Variants in PIEZO2 observed in about 807,000 individuals in gnomAD.
PIEZO2 encodes the protein piezo type mechanosensitive ion channel component 2.
Under a neutral mutation model 337.3 loss-of-function variants are expected in PIEZO2, and 172 were observed. The ratio of observed to expected loss-of-function variants is 0.51; its 90% CI spans 0.45 to 0.58. The LOEUF is 0.58. Ranked by LOEUF, PIEZO2 falls within the 20% of genes least tolerant of loss-of-function variation. PIEZO2 has a pLI of 0.00. For synonymous variants in PIEZO2, 1,251 were observed against 1,228.5 expected, an observed-to-expected ratio of 1.02 and a Z score of -0.38; for missense variants, 3,028 against 3,391.3, an observed-to-expected ratio of 0.89 and a Z score of 2.66.
Position 10,979,621 on chromosome 18 carries a change from C to T in PIEZO2, c.200G>A (p.Ser67Asn), listed in dbSNP as rs1014032818. Residue 67 changes from serine (S) to asparagine (N), a missense_variant, in exon 3 of 56, where the codon AGT becomes AAT. This residue lies in a region of PIEZO2 where 542 missense variants were observed against 605.6 expected (regional missense o/e 0.89). Transcript: ENST00000674853. This position sits in a 1 kb window ranked among gnomAD's most constrained non-coding sequence, Gnocchi z 4.0. ...GATGTGCAGCAACAGGAAGGAAAGA[C>T]TGATGAAGCACAGAGACTTTAATAA... ...GRLLKSLCFI[S>N]LSFLLLHIIF... is the part of the protein sequence containing the mutation. 2 of 1,535,844 alleles carry T rather than the reference C, an allele frequency of 1.3e-6. No homozygotes were observed. The highest frequency in any genetic ancestry group is 1.4e-5 in the African/African-American group (1 of 73,024).
In PIEZO2 at chr18:11,131,283, T is replaced by C. The variant is rs2040333346; in HGVS notation, c.64+17242A>G. Among the ~76,000 whole-genome samples, 2 of 152,122 alleles carry C rather than the reference T, an allele frequency of 1.3e-5. No homozygotes were observed. Among genetic ancestry groups the C allele is most frequent in the African/African-American group, 4.8e-5 (2 of 41,432 alleles). On this transcript the variant is annotated intron_variant, in intron 1 of 55. Transcript: ENST00000674853. The surrounding 1 kb of genome is among the most constrained non-coding windows in gnomAD (Gnocchi z 5.3). ...TCAAATGGAAGTGATATATACATGA[T>C]CGGGCTCGAGCAGGTCCTGAGGGCA...
intron 2 of PIEZO2, among the ~76,000 whole-genome samples, chr18:10,995,489 C>T (rs2035288318): frequency 6.6e-6 from 1 of 152,128 alleles, no homozygotes; most frequent in Non-Finnish European, 1.5e-5. Context: ...TAAAACTCTA[C>T]TTTGGTGGTA....
chr18:10,968,854 T>C (rs547820098), intron 3 of PIEZO2, among the ~76,000 whole-genome samples: 2 of 152,348 alleles, frequency 1.3e-5, no homozygotes, highest in East Asian at 3.9e-4. Flanking sequence ...CAAGTAAATG[T>C]AAGGCATAAA....
Position 10,713,806 on chromosome 18 carries a change from G to A in PIEZO2, c.5423+958C>T, listed in dbSNP as rs1159472201. On this transcript the variant is annotated intron_variant, in intron 39 of 55. Coordinates refer to ENST00000674853, the MANE Select transcript of PIEZO2 (RefSeq NM_001378183.1). The surrounding 1 kb of genome is among the most constrained non-coding windows in gnomAD (Gnocchi z 4.5). ...TTACCCATGAAGGTGGCTATAAGGT[G>A]TAATTCATTTGGTCTAGCGCTTCAC... is the stretch of plus-strand genomic sequence containing the variant. Among the ~76,000 whole-genome samples the A allele has an allele frequency of 2.0e-5, 3 of 152,206 alleles. No homozygotes were observed. The highest frequency in any genetic ancestry group is 4.4e-5 in the Non-Finnish European group (3 of 68,048).
chr18:10,950,328 G>A (rs2033236692), intron 3 of PIEZO2, among the ~76,000 whole-genome samples: 1 of 152,156 alleles, frequency 6.6e-6, no homozygotes, highest in Admixed American at 6.6e-5. Flanking sequence ...GCTTAAAGCT[G>A]AAGGTAAGAA....
At chr18:10,731,856 T>C (rs1181049291) in intron 35 of PIEZO2, among the ~76,000 whole-genome samples, 1 of 152,184 alleles carries the variant, frequency 6.6e-6, no homozygotes, top group African/African-American at 2.4e-5. Flanking sequence ...AAGCTGGAAG[T>C]CTCATTCAGT....
At chr18:11,006,888 T>A (rs2035745197) in intron 2 of PIEZO2, among the ~76,000 whole-genome samples, 1 of 152,178 alleles carries the variant, frequency 6.6e-6, no homozygotes, top group African/African-American at 2.4e-5. Flanking sequence ...TTTTTATTTT[T>A]AATTATCATG....
At chr18:10,937,909 T>C (rs760180912) in intron 3 of PIEZO2, among the ~76,000 whole-genome samples, 11 of 152,224 alleles carry the variant, frequency 7.2e-5, no homozygotes, top group Non-Finnish European at 1.0e-4. Flanking sequence ...AAAACTGCTA[T>C]AATTCAACCA....
chr18:10,944,517 G>GATAT (rs368272727), intron 3 of PIEZO2, among the ~76,000 whole-genome samples: 2,251 of 49,736 alleles, frequency 0.045, 40 homozygotes, highest in East Asian at 0.084. Flanking sequence ...CTTAGTAACA[G>GATAT]ATATATATAT....
rs141067046 is a variant in PIEZO2, at chr18:10,750,057, C to T, written c.4264+34G>A. 154 of 1,440,022 alleles carry T rather than the reference C, an allele frequency of 1.1e-4. No homozygotes were observed. In the Admixed American group the frequency reaches 1.8e-3, roughly 17 times the overall value. 89.2% of individuals were successfully genotyped at this position (1,440,022 alleles called of 1,614,324 possible). ...CAATACAACTATCCTCCCTCTTCTG[C>T]CTTTCTGCCTTCACACTTGCTTTTC... On this transcript the variant is annotated intron_variant, in intron 29 of 55. Transcript: ENST00000674853. The surrounding 1 kb of genome is among the most constrained non-coding windows in gnomAD (Gnocchi z 4.1).
Position 10,770,208 on chromosome 18 carries a change from AATCCACCAC to A in PIEZO2, c.2877_2885del (p.Met959_Trp961del). On this transcript the variant is annotated inframe_deletion, in exon 21 of 56. Transcript: ENST00000674853. ...CGATTTTGATGATGTGCAACTCCAAAATCCACCACATGAACACCTGCAGCTTGTGAAAAT... is the reference window on the plus strand; with the variant it reads ...CGATTTTGATGATGTGCAACTCCAAAATGAACACCTGCAGCTTGTGAAAAT... The A allele has an allele frequency of 6.5e-7, 1 of 1,537,428 alleles. No individual in the cohort carries two copies. Among genetic ancestry groups the A allele is most frequent in the Non-Finnish European group, 8.7e-7 (1 of 1,146,946 alleles).
rs1176533520 is a variant in PIEZO2 at position 10,856,710 on chromosome 18, G to A, written c.703+291C>T. 1.3e-5 allele frequency among the ~76,000 whole-genome samples: 2 copies of A among 152,172 alleles called. No homozygotes were observed. The highest frequency in any genetic ancestry group is 1.3e-4 in the Admixed American group (2 of 15,270). On this transcript the variant is annotated intron_variant, in intron 6 of 55. Transcript: ENST00000674853. The surrounding 1 kb of genome is among the most constrained non-coding windows in gnomAD (Gnocchi z 4.7). ...ACCATTCCAAAGCTCTAAGGAAGAG[G>A]ATTGTTGTTATTCTAATCTAAACCT...
At chr18:10,956,654 A>C (rs2033536467) in intron 3 of PIEZO2, among the ~76,000 whole-genome samples, 1 of 152,240 alleles carries the variant, frequency 6.6e-6, no homozygotes, top group Admixed American at 6.5e-5. Flanking sequence ...GATTGTAATC[A>C]AAACAGTATC....
At chr18:10,712,638 C>G (rs1394194822) in intron 39 of PIEZO2, among the ~76,000 whole-genome samples, 1 of 152,212 alleles carries the variant, frequency 6.6e-6, no homozygotes. Flanking sequence ...CACAGTGACG[C>G]TCTGGTAACA....
chr18:10,959,084 T>C (rs2033660585), intron 3 of PIEZO2, among the ~76,000 whole-genome samples: 1 of 152,172 alleles, frequency 6.6e-6, no homozygotes, highest in Non-Finnish European at 1.5e-5. Context: ...AGCAAAAATA[T>C]GTATTAATGA....
chr18:10,787,734 C>T (rs1265138182), intron 15 of PIEZO2, among the ~76,000 whole-genome samples: 1 of 152,098 alleles, frequency 6.6e-6, no homozygotes, highest in African/African-American at 2.4e-5. Flanking sequence ...ATTTTTTTAT[C>T]TTAACATATT....
Position 10,742,633 on chromosome 18 carries a change from A to G in PIEZO2, c.4515-18T>C, listed in dbSNP as rs1454433691. On this transcript the variant is annotated intron_variant, in intron 31 of 55. Coordinates refer to ENST00000674853, the MANE Select transcript of PIEZO2 (RefSeq NM_001378183.1). The stretch of plus-strand genomic sequence containing the variant: ...GATCCATCCTATAAAGTAAAATAAC[A>G]TTAGTAATGCCAAGAACATATTCAT... The G allele has an allele frequency of 1.3e-6, 2 of 1,536,570 alleles. No individual in the cohort carries two copies. Among genetic ancestry groups the G allele is most frequent in the African/African-American group, 1.4e-5 (1 of 73,156 alleles).
rs557232286 is a variant in PIEZO2, at chr18:11,003,766, C to G, written c.161-24106G>C. 5.4e-4 allele frequency among the ~76,000 whole-genome samples: 82 copies of G among 152,308 alleles called. No homozygotes were observed. The highest frequency in any genetic ancestry group is 1.9e-3 in the African/African-American group (77 of 41,570). Reference sequence around the variant, plus strand: ...GGGACGTGGGAGGAAACCAGAGTACCTAGAAAAATCCCACACAGACCTGGG... The same window carrying G: ...GGGACGTGGGAGGAAACCAGAGTACGTAGAAAAATCCCACACAGACCTGGG... On this transcript the variant is annotated intron_variant, in intron 2 of 55. Coordinates refer to ENST00000674853, the MANE Select transcript of PIEZO2 (RefSeq NM_001378183.1). This position sits in a 1 kb window ranked among gnomAD's most constrained non-coding sequence, Gnocchi z 4.6.
intron 1 of PIEZO2, among the ~76,000 whole-genome samples, chr18:11,108,613 CAAAAAAAAAAAAAA>C (rs532226919): frequency 3.5e-5 from 2 of 56,858 alleles, no homozygotes; most frequent in Non-Finnish European, 6.4e-5. Flanking sequence ...GACTCCCTCT[CAAAAAAAAAAAAAA>C]AAAAAAAAAA....
Sources: gnomAD v4.1 joint callset for allele counts (sites outside exome capture counted in the v4.1 genomes callset) on GRCh38, gnomAD v4.1.1 for gene constraint, gnomAD v4.1.1 regional missense constraint, Gnocchi (gnomAD v3.1) non-coding constraint, MANE v1.5 for transcripts, NCBI Gene and HGNC (gene_info 2026-07-23, HGNC 2026-07-21) for gene names.